Variants in SMG6 observed in about 807,000 individuals in gnomAD.
SMG6 encodes SMG6 nonsense mediated mRNA decay factor.
A neutral mutation model predicts 142.2 loss-of-function variants in SMG6; 66 were observed. The observed-to-expected ratio is 0.46, with a 90% CI of 0.38 to 0.57. SMG6 has a LOEUF of 0.57. Among genes scored for constraint, SMG6 ranks in the 20% least tolerant of loss-of-function variants. The pLI is 0.00. For missense variants in SMG6, 1,793 were observed against 1,832.0 expected (o/e 0.98, Z 0.39); for synonymous variants, 779 against 702.4 (o/e 1.11, Z -1.72).
intron 8 of SMG6, chr17:2,280,735 C>T (rs1186372812): frequency 3.7e-6 from 1 of 272,112 alleles, no homozygotes; most frequent in Non-Finnish European, 5.6e-6. Context: ...AGTCTACCTA[C>T]AAGAATTTAA....
intron 2 of SMG6, 135 bp from the exon 3 acceptor site, chr17:2,298,190 A>C: frequency 1.4e-6 from 1 of 703,830 alleles, no homozygotes; most frequent in Non-Finnish European, 2.3e-6. Flanking sequence ...TATACTACTC[A>C]CTCTGGTTTC....
At chr17:2,062,154 G>C (rs185556987) in intron 18 of SMG6, 1 of 154,042 alleles carries the variant, frequency 6.5e-6, no homozygotes, top group East Asian at 1.9e-4. Context: ...GGAGAGGAGA[G>C]GGTAAGGGTC....
intron 8 of SMG6, among the ~76,000 whole-genome samples, chr17:2,271,621 G>A (rs1052075643): frequency 4.6e-5 from 7 of 151,916 alleles, no homozygotes; most frequent in Non-Finnish European, 8.8e-5. Flanking sequence ...AGGCTGAGGC[G>A]GGAGAATCGC....
At chr17:2,200,362 A>AT (rs1159007401) in intron 10 of SMG6, among the ~76,000 whole-genome samples, 3 of 151,790 alleles carry the variant, frequency 2.0e-5, no homozygotes, top group Non-Finnish European at 4.4e-5. Flanking sequence ...TGTATTCCTT[A>AT]TTTTTTTTAA....
At chr17:2,226,503 C>T (rs921335123) in intron 10 of SMG6, among the ~76,000 whole-genome samples, 25 of 144,180 alleles carry the variant, frequency 1.7e-4, no homozygotes, top group African/African-American at 4.7e-4. Flanking sequence ...TGCATGAACC[C>T]GGGAGGTGGA....
intron 4 of SMG6, among the ~76,000 whole-genome samples, chr17:2,294,097 G>A (rs1014964970): frequency 1.3e-5 from 2 of 152,156 alleles, no homozygotes; most frequent in Non-Finnish European, 2.9e-5. Context: ...GCTTCATTGA[G>A]AAGAAGATAC....
At chr17:2,139,425 C>CGTTTT (rs2070403164) in intron 13 of SMG6, among the ~76,000 whole-genome samples, 1 of 139,250 alleles carries the variant, frequency 7.2e-6, no homozygotes, top group Admixed American at 7.3e-5. Flanking sequence ...CTGCTTTTTT[C>CGTTTT]TTTTTTTTTT....
chr17:2,302,411 C>T (rs2075301033), intron 1 of SMG6, among the ~76,000 whole-genome samples: 1 of 152,140 alleles, frequency 6.6e-6, no homozygotes, highest in African/African-American at 2.4e-5. Context: ...CGTGGTGGCA[C>T]ACGCCTACAG....
Position 2,297,809 on chromosome 17 carries a change from G to A in SMG6, c.2040+54C>T, listed in dbSNP as rs867824666. 3.7e-5 allele frequency: 58 copies of A among 1,555,406 alleles called. 2 individuals are homozygous for A. The Middle Eastern group carries it at 5.0e-4, about 13-fold the overall frequency. ...GTATTTCAGGTAGTAAAAATCCATC[G>A]TAACTACAGAATGCTGAAGCCTTTA... On this transcript the variant is annotated intron_variant, in intron 3 of 18. Transcript: ENST00000263073.
chr17:2,238,916 T>C (rs2073736307), intron 9 of SMG6, among the ~76,000 whole-genome samples: 1 of 149,568 alleles, frequency 6.7e-6, no homozygotes, highest in African/African-American at 2.6e-5. Context: ...TTAGAGTAAC[T>C]TCAAATGTGA....
chr17:2,299,943 T>C lies in SMG6; in HGVS notation c.810A>G (p.Gly270=). ...GACATCCATTATCCGTCAGGCCAGC[T>C]CCCTCAGCGCTGTTGTTGCTGCCAG... The part of the protein sequence containing the change: ...SSAGSNNSAE[G]AGLTDNGCRR... The change falls in exon 2 of 19, where the codon GGA becomes GGG. Residue 270 remains glycine (G), a synonymous_variant. Transcript: ENST00000263073. This position sits in a 1 kb window ranked among gnomAD's most constrained non-coding sequence, Gnocchi z 4.3. 1 of 1,614,130 alleles carries C rather than the reference T, an allele frequency of 6.2e-7. No homozygotes were observed. The highest frequency in any genetic ancestry group is 2.2e-5 in the East Asian group (1 of 44,872).
chr17:2,281,029 G>A (rs1318264894), intron 8 of SMG6, among the ~76,000 whole-genome samples: 1 of 152,190 alleles, frequency 6.6e-6, no homozygotes, highest in Non-Finnish European at 1.5e-5. Flanking sequence ...ACTCTGGCCT[G>A]AGCAACAGAG....
chr17:2,264,226 T>A (rs887745579), intron 8 of SMG6, among the ~76,000 whole-genome samples: 1 of 152,212 alleles, frequency 6.6e-6, no homozygotes, highest in African/African-American at 2.4e-5. Flanking sequence ...CTCACGTACA[T>A]TCCAGTTGGC....
chr17:2,255,403 CAAAAAAA>C (rs60136702), intron 8 of SMG6, among the ~76,000 whole-genome samples: 6 of 73,572 alleles, frequency 8.2e-5, no homozygotes, highest in African/African-American at 1.4e-4. Context: ...GACTCCGTCT[CAAAAAAA>C]AAAAAAAAAA....
At chr17:2,281,829 G>A (rs747744443) in intron 8 of SMG6, among the ~76,000 whole-genome samples, 12 of 152,108 alleles carry the variant, frequency 7.9e-5, no homozygotes, top group African/African-American at 1.4e-4. Context: ...TCCACCTACC[G>A]TGCTCTCTCT....
chr17:2,266,103 C>A (rs1567730795), intron 8 of SMG6: 2 of 985,266 alleles, frequency 2.0e-6, no homozygotes, highest in Admixed American at 6.1e-5. Flanking sequence ...GTTCACCATG[C>A]GTGCCACTCA....
chr17:2,253,979 G>A (rs1438143144), intron 8 of SMG6, among the ~76,000 whole-genome samples: 1 of 152,216 alleles, frequency 6.6e-6, no homozygotes, highest in Non-Finnish European at 1.5e-5. Context: ...AAAGGAAAGT[G>A]CCAGATTAAG....
At chr17:2,129,250 G>T (rs1419252696) in intron 13 of SMG6, among the ~76,000 whole-genome samples, 1 of 152,172 alleles carries the variant, frequency 6.6e-6, no homozygotes, top group Non-Finnish European at 1.5e-5. Context: ...CAAGCCCAGG[G>T]AGGTCGAGGC....
chr17:2,131,864 G>A (rs370048767), intron 13 of SMG6, among the ~76,000 whole-genome samples: 5 of 152,064 alleles, frequency 3.3e-5, no homozygotes, highest in East Asian at 1.9e-4. Context: ...TTGAGGACAC[G>A]AGTTCAAGAC....
Sources: allele counts gnomAD v4.1 joint callset (sites outside exome capture counted in the v4.1 genomes callset), GRCh38; gene constraint gnomAD v4.1.1; non-coding constraint Gnocchi (gnomAD v3.1); transcripts MANE v1.5; gene names NCBI Gene and HGNC (gene_info 2026-07-23, HGNC 2026-07-21).